Variants in MYRIP observed in about 807,000 individuals in gnomAD.
The protein encoded by MYRIP is myosin VIIA and Rab interacting protein.
In MYRIP, 49 loss-of-function variants were observed where a neutral mutation model predicts 98.0. The observed-to-expected ratio is 0.50, with a 90% CI of 0.40 to 0.63. The LOEUF is 0.63. MYRIP is among the 30% of genes least tolerant of loss of function. The pLI, the probability that MYRIP is intolerant of heterozygous loss-of-function variation, is 0.00. For missense variants in MYRIP, 1,004 were observed against 1,058.2 expected (o/e 0.95, Z 0.71); for synonymous variants, 404 against 409.5 (o/e 0.99, Z 0.16).
At chr3:39,833,134 G>A (rs543786347) in intron 1 of MYRIP, among the ~76,000 whole-genome samples, 9 of 152,304 alleles carry the variant, frequency 5.9e-5, no homozygotes, top group Non-Finnish European at 1.0e-4. Flanking sequence ...GCATGCTTCT[G>A]TGTATAATAG....
At chr3:40,079,973 T>C (rs532670807) in intron 3 of MYRIP, among the ~76,000 whole-genome samples, 95 of 152,350 alleles carry the variant, frequency 6.2e-4, no homozygotes, top group Middle Eastern at 3.4e-3. Context: ...ACATTTCTTT[T>C]CTTTCTCTTG....
intron 1 of MYRIP, among the ~76,000 whole-genome samples, chr3:39,895,696 G>C (rs1943590540): frequency 6.6e-6 from 1 of 151,982 alleles, no homozygotes; most frequent in African/African-American, 2.4e-5. Context: ...AATTCATTTG[G>C]GTTTTTACTT....
intron 2 of MYRIP, among the ~76,000 whole-genome samples, chr3:39,997,333 A>G (rs1946386546): frequency 6.6e-6 from 1 of 152,124 alleles, no homozygotes; most frequent in Non-Finnish European, 1.5e-5. Context: ...AAGATGGAAT[A>G]AAAAATGATA....
chr3:40,102,491 T>A (rs1379420980), intron 3 of MYRIP, among the ~76,000 whole-genome samples: 1 of 152,164 alleles, frequency 6.6e-6, no homozygotes, highest in Admixed American at 6.5e-5. Flanking sequence ...GTTTTGACTT[T>A]TGTATCTTGT....
intron 1 of MYRIP, among the ~76,000 whole-genome samples, chr3:39,831,723 ATAGCT>A: frequency 6.6e-6 from 1 of 152,204 alleles, no homozygotes; most frequent in Non-Finnish European, 1.5e-5. Context: ...CACATTTCTA[ATAGCT>A]GAATTGAATA....
intron 1 of MYRIP, among the ~76,000 whole-genome samples, chr3:39,832,238 A>G (rs759852451): frequency 2.6e-5 from 4 of 152,160 alleles, no homozygotes; most frequent in Non-Finnish European, 5.9e-5. Flanking sequence ...CCTGGCACAA[A>G]TTTTCTTCAA....
chr3:40,030,994 G>A (rs1425496839), intron 2 of MYRIP, among the ~76,000 whole-genome samples: 3 of 152,108 alleles, frequency 2.0e-5, no homozygotes, highest in Admixed American at 6.6e-5. Context: ...TTTTTTCAAA[G>A]TCTGGGGAGG....
chr3:40,097,088 A>G (rs1186405353), intron 3 of MYRIP, among the ~76,000 whole-genome samples: 1 of 152,200 alleles, frequency 6.6e-6, no homozygotes, highest in Non-Finnish European at 1.5e-5. Flanking sequence ...AAATAAAACC[A>G]ACCACGACCA....
At chr3:39,997,606 C>A (rs1946397203) in intron 2 of MYRIP, among the ~76,000 whole-genome samples, 1 of 152,082 alleles carries the variant, frequency 6.6e-6, no homozygotes, top group Non-Finnish European at 1.5e-5. Flanking sequence ...ACCAGAGGTA[C>A]AAGGAGGAGC....
At chr3:40,164,536 A>G (rs950553634) in intron 5 of MYRIP, among the ~76,000 whole-genome samples, 1 of 152,216 alleles carries the variant, frequency 6.6e-6, no homozygotes, top group Non-Finnish European at 1.5e-5. Flanking sequence ...CATGAAGTCA[A>G]CTGACTGTAG....
At chr3:39,934,524 C>T (rs1189607018) in intron 2 of MYRIP, among the ~76,000 whole-genome samples, 1 of 152,020 alleles carries the variant, frequency 6.6e-6, no homozygotes, top group Non-Finnish European at 1.5e-5. Context: ...CAAGAGCAAC[C>T]AGCTCAGGAA....
chr3:39,838,876 T>C (rs1044716398), intron 1 of MYRIP, among the ~76,000 whole-genome samples: 3 of 152,182 alleles, frequency 2.0e-5, no homozygotes, highest in Non-Finnish European at 4.4e-5. Context: ...AATTACTGCC[T>C]CAATTTCAGA....
intron 1 of MYRIP, among the ~76,000 whole-genome samples, chr3:39,872,486 C>A (rs570729279): frequency 1.4e-5 from 2 of 138,682 alleles, no homozygotes; most frequent in African/African-American, 2.6e-5. Flanking sequence ...ATCCCTCCCC[C>A]CTCCCCCCAT....
chr3:40,170,436 A>G (rs927549659), intron 8 of MYRIP, among the ~76,000 whole-genome samples: 2 of 152,192 alleles, frequency 1.3e-5, no homozygotes, highest in African/African-American at 4.8e-5. Flanking sequence ...GTGTACTCTT[A>G]TAACCTAGAT....
intron 3 of MYRIP, among the ~76,000 whole-genome samples, chr3:40,067,159 T>G (rs1048264613): frequency 6.6e-6 from 1 of 152,196 alleles, no homozygotes; most frequent in Non-Finnish European, 1.5e-5. Context: ...AAGTTGAGAA[T>G]AGTAAATAAT....
At chr3:39,954,323 G>T (rs960593778) in intron 2 of MYRIP, among the ~76,000 whole-genome samples, 1 of 152,100 alleles carries the variant, frequency 6.6e-6, no homozygotes, top group Non-Finnish European at 1.5e-5. Context: ...AGCTTCCAGA[G>T]GAAGGATCAG....
intron 1 of MYRIP, among the ~76,000 whole-genome samples, chr3:39,863,209 A>G (rs998572157): frequency 6.6e-6 from 1 of 152,186 alleles, no homozygotes; most frequent in Non-Finnish European, 1.5e-5. Flanking sequence ...AAAAGCTAGA[A>G]GTATCTCAAA....
intron 11 of MYRIP, among the ~76,000 whole-genome samples, chr3:40,233,658 G>C (rs1270972403): frequency 6.6e-6 from 1 of 152,160 alleles, no homozygotes; most frequent in Non-Finnish European, 1.5e-5. Flanking sequence ...ACGGAAACTA[G>C]GCAAAGTCAA....
intron 3 of MYRIP, among the ~76,000 whole-genome samples, chr3:40,108,263 CAGCT>C (rs1949091061): frequency 1.4e-5 from 1 of 72,496 alleles, no homozygotes; most frequent in Non-Finnish European, 3.6e-5. Flanking sequence ...GGACTACAAC[CAGCT>C]TGTGTGAAAA....
Sources: gnomAD v4.1 joint callset for allele counts (sites outside exome capture counted in the v4.1 genomes callset) on GRCh38, gnomAD v4.1.1 for gene constraint, MANE v1.5 for transcripts, NCBI Gene and HGNC (gene_info 2026-07-23, HGNC 2026-07-21) for gene names.